Variants in ATP8A2 observed in about 807,000 individuals in gnomAD.
The protein encoded by ATP8A2 is ATPase phospholipid transporting 8A2, also known as phospholipid-transporting ATPase IB.
Under a neutral mutation model 165.6 loss-of-function variants are expected in ATP8A2, and 100 were observed. That is an observed-to-expected ratio of 0.60 (90% CI 0.51 to 0.71). The LOEUF (loss-of-function observed/expected upper bound fraction) is 0.71. Among genes scored for constraint, ATP8A2 ranks in the 30% least tolerant of loss-of-function variants. The probability of loss-of-function intolerance (pLI) is 0.00; values close to 1 mark genes in which losing one functional copy is unlikely to be tolerated. For synonymous variants in ATP8A2, 543 were observed against 548.8 expected (o/e 0.99, Z 0.15); for missense variants, 1,227 against 1,479.5 (o/e 0.83, Z 2.80).
intron 24 of ATP8A2, among the ~76,000 whole-genome samples, chr13:25,616,170 A>G (rs59245489): frequency 0.016 from 2,488 of 152,138 alleles, 72 homozygotes; most frequent in African/African-American, 0.057. Context: ...CACACTTTCA[A>G]TGCTGGAATT....
At chr13:25,588,110 A>T (rs1463740848) in intron 23 of ATP8A2, among the ~76,000 whole-genome samples, 1 of 152,222 alleles carries the variant, frequency 6.6e-6, no homozygotes, top group African/African-American at 2.4e-5. Flanking sequence ...TGTTGTTAAC[A>T]GCCTTGCCTA....
chr13:25,800,767 G>T (rs1950606475), intron 27 of ATP8A2, among the ~76,000 whole-genome samples: 1 of 44,168 alleles, frequency 2.3e-5, no homozygotes, highest in South Asian at 1.3e-3. Context: ...CCCATGCCTG[G>T]AAAACCTAAC....
chr13:25,847,771 C>A (rs1032190349), intron 30 of ATP8A2, among the ~76,000 whole-genome samples: 1 of 152,130 alleles, frequency 6.6e-6, no homozygotes, highest in Non-Finnish European at 1.5e-5. Flanking sequence ...ACACTGTCCT[C>A]CCAGGGCTAG....
chr13:25,689,154 T>C (rs550976208), intron 24 of ATP8A2, among the ~76,000 whole-genome samples: 1 of 152,372 alleles, frequency 6.6e-6, no homozygotes, highest in South Asian at 2.1e-4. Context: ...AAGTTGAGAT[T>C]ACCATGTTCA....
At chr13:25,468,675 C>T (rs191882929) in intron 1 of ATP8A2, 1 of 302,492 alleles carries the variant, frequency 3.3e-6, no homozygotes, top group Non-Finnish European at 4.9e-6. Flanking sequence ...CAGCCCGGCC[C>T]GGTCCCTGCA....
intron 33 of ATP8A2, among the ~76,000 whole-genome samples, chr13:25,895,079 G>A (rs1055057174): frequency 1.3e-5 from 2 of 152,198 alleles, no homozygotes; most frequent in South Asian, 2.1e-4. Flanking sequence ...ATGTTGAATA[G>A]GAGTGGTGAG....
chr13:25,826,487 G>C (rs1951316915), intron 27 of ATP8A2, among the ~76,000 whole-genome samples: 1 of 152,192 alleles, frequency 6.6e-6, no homozygotes, highest in South Asian at 2.1e-4. Flanking sequence ...GTAGTGCACA[G>C]AGCAGCATGG....
chr13:25,960,378 C>T (rs1335097448), intron 33 of ATP8A2, among the ~76,000 whole-genome samples: 1 of 152,140 alleles, frequency 6.6e-6, no homozygotes, highest in East Asian at 1.9e-4. Context: ...GAGTCTTAGA[C>T]CCTCCCAGTC....
chr13:25,488,588 T>G (rs1486408722), intron 2 of ATP8A2, among the ~76,000 whole-genome samples: 4 of 152,124 alleles, frequency 2.6e-5, no homozygotes, highest in Non-Finnish European at 5.9e-5. Flanking sequence ...AATACAAAAA[T>G]TAGCCAGGTG....
intron 24 of ATP8A2, among the ~76,000 whole-genome samples, chr13:25,598,555 G>A (rs76178012): frequency 6.6e-6 from 1 of 152,212 alleles, no homozygotes; most frequent in East Asian, 1.9e-4. Context: ...CAGTGTACAG[G>A]ACTTGTGCAC....
intron 27 of ATP8A2, among the ~76,000 whole-genome samples, chr13:25,800,971 C>T (rs920605062): frequency 6.6e-6 from 1 of 152,086 alleles, no homozygotes; most frequent in Admixed American, 6.6e-5. Context: ...AGATCTTGAC[C>T]GTCAGGAAAA....
At chr13:25,623,958 T>C (rs2041040558) in intron 24 of ATP8A2, among the ~76,000 whole-genome samples, 1 of 152,066 alleles carries the variant, frequency 6.6e-6, no homozygotes, top group Non-Finnish European at 1.5e-5. Flanking sequence ...TACATATATC[T>C]ATATTGTGTG....
chr13:25,491,204 C>T (rs531371719), intron 2 of ATP8A2, among the ~76,000 whole-genome samples: 2 of 151,816 alleles, frequency 1.3e-5, no homozygotes, highest in South Asian at 2.1e-4. Flanking sequence ...TTATATTCTA[C>T]GTGGAAATTC....
intron 25 of ATP8A2, among the ~76,000 whole-genome samples, chr13:25,733,069 A>G (rs1371421554): frequency 6.6e-6 from 1 of 152,230 alleles, no homozygotes; most frequent in Admixed American, 6.5e-5. Context: ...ACATGCCTTT[A>G]TGATGAAATA....
At chr13:25,699,050 C>G (rs2099160785) in intron 24 of ATP8A2, 123 bp from the exon 25 acceptor site, 1 of 733,860 alleles carries the variant, frequency 1.4e-6, no homozygotes, top group African/African-American at 1.8e-5. Context: ...CAAAGCTGAA[C>G]TGATAGTATA....
At chr13:25,732,774 A>G (rs980410445) in intron 25 of ATP8A2, among the ~76,000 whole-genome samples, 4 of 152,210 alleles carry the variant, frequency 2.6e-5, no homozygotes, top group African/African-American at 4.8e-5. Context: ...AATTTATCCC[A>G]GTAAAAGAAC....
chr13:25,589,286 G>A (rs1267902768), intron 23 of ATP8A2, among the ~76,000 whole-genome samples: 1 of 152,158 alleles, frequency 6.6e-6, no homozygotes, highest in Non-Finnish European at 1.5e-5. Context: ...GTGTGTGTGT[G>A]CTGATTTAGG....
intron 35 of ATP8A2, among the ~76,000 whole-genome samples, chr13:25,969,113 C>A (rs1398869373): frequency 2.0e-5 from 3 of 152,188 alleles, no homozygotes; most frequent in Non-Finnish European, 4.4e-5. Flanking sequence ...AAACCTGTTA[C>A]ATTCCACTTC....
chr13:25,945,715 T>C (rs991243644), intron 33 of ATP8A2, among the ~76,000 whole-genome samples: 1 of 152,118 alleles, frequency 6.6e-6, no homozygotes, highest in African/African-American at 2.4e-5. Context: ...AAAGAAAACA[T>C]TGGAGAAAAT....
Sources: allele counts gnomAD v4.1 joint callset (sites outside exome capture counted in the v4.1 genomes callset), GRCh38; gene constraint gnomAD v4.1.1; transcripts MANE v1.5; gene names NCBI Gene and HGNC (gene_info 2026-07-23, HGNC 2026-07-21).